GRM7: variants seen among roughly 807,000 people sequenced by gnomAD.
The protein encoded by GRM7 is glutamate metabotropic receptor 7.
GRM7 carries 35 observed loss-of-function variants against 84.5 expected under a neutral mutation model. The ratio of observed to expected loss-of-function variants is 0.41; its 90% CI spans 0.32 to 0.55. The LOEUF is 0.55. Ranked by LOEUF, GRM7 falls within the 20% of genes least tolerant of loss-of-function variation. The pLI, the probability that GRM7 is intolerant of heterozygous loss-of-function variation, is 0.19. For synonymous variants in GRM7, 487 were observed against 455.1 expected, an observed-to-expected ratio of 1.07 and a Z score of -0.89; for missense variants, 1,003 against 1,194.6, an observed-to-expected ratio of 0.84 and a Z score of 2.36.
At chr3:7,393,616 G>A (rs184073330) in intron 4 of GRM7, among the ~76,000 whole-genome samples, 191 of 152,244 alleles carry the variant, frequency 1.3e-3, no homozygotes, top group African/African-American at 4.4e-3. Context: ...TTATATTCTG[G>A]CTGTTTTCTG....
chr3:6,913,876 T>C (rs1164859978), intron 1 of GRM7, among the ~76,000 whole-genome samples: 1 of 152,170 alleles, frequency 6.6e-6, no homozygotes, highest in Non-Finnish European at 1.5e-5. Flanking sequence ...TTGGCCTTCT[T>C]GGCGTGCCAT....
chr3:6,954,829 T>A (rs1692958096), intron 1 of GRM7, among the ~76,000 whole-genome samples: 1 of 152,208 alleles, frequency 6.6e-6, no homozygotes, highest in Admixed American at 6.5e-5. Context: ...AATGTTATTA[T>A]AATTAATATG....
At chr3:7,418,491 C>G (rs1696263829) in intron 5 of GRM7, among the ~76,000 whole-genome samples, 1 of 152,176 alleles carries the variant, frequency 6.6e-6, no homozygotes, top group Non-Finnish European at 1.5e-5. Flanking sequence ...ACATAGTCAT[C>G]TCTTCTAGAG....
chr3:7,452,504 T>G (rs1697813365), intron 5 of GRM7, 103 bp from the exon 6 acceptor site: 1 of 810,322 alleles, frequency 1.2e-6, no homozygotes, highest in Admixed American at 2.0e-5. Context: ...AGTGTTTTCT[T>G]TAAGCATAAT....
At chr3:7,616,494 C>T (rs1292594280) in intron 8 of GRM7, among the ~76,000 whole-genome samples, 1 of 152,120 alleles carries the variant, frequency 6.6e-6, no homozygotes, top group African/African-American at 2.4e-5. Flanking sequence ...CATCAGGATC[C>T]AGCTAATTTC....
chr3:7,189,496 T>C (rs907163133), intron 2 of GRM7, among the ~76,000 whole-genome samples: 1 of 152,212 alleles, frequency 6.6e-6, no homozygotes, highest in Non-Finnish European at 1.5e-5. Context: ...AAATGCTCAA[T>C]AAAAACTGTC....
chr3:7,366,244 C>T (rs577803114), intron 4 of GRM7, among the ~76,000 whole-genome samples: 1 of 151,956 alleles, frequency 6.6e-6, no homozygotes, highest in Admixed American at 6.6e-5. Flanking sequence ...TAACTCTTTT[C>T]TGTCCTCTGC....
At chr3:6,947,403 C>G (rs1372865162) in intron 1 of GRM7, among the ~76,000 whole-genome samples, 1 of 152,052 alleles carries the variant, frequency 6.6e-6, no homozygotes, top group Non-Finnish European at 1.5e-5. Flanking sequence ...GGGATGAGGC[C>G]CACTTGATCA....
chr3:7,497,634 G>C (rs1283582090), intron 7 of GRM7, among the ~76,000 whole-genome samples: 1 of 152,178 alleles, frequency 6.6e-6, no homozygotes, highest in Admixed American at 6.6e-5. Context: ...AGAGATAGGA[G>C]AGTTGGGTGT....
chr3:7,280,825 T>C (rs1010200372), intron 2 of GRM7, among the ~76,000 whole-genome samples: 34 of 152,176 alleles, frequency 2.2e-4, no homozygotes, highest in African/African-American at 4.8e-4. Flanking sequence ...AATGGCTTAT[T>C]CTGTAATTTC....
At chr3:6,996,532 G>A (rs1322073145) in intron 1 of GRM7, among the ~76,000 whole-genome samples, 2 of 152,122 alleles carry the variant, frequency 1.3e-5, no homozygotes, top group Non-Finnish European at 2.9e-5. Flanking sequence ...ATACTATTGG[G>A]AGTTTGCTCC....
chr3:7,564,121 A>T lies in GRM7; in HGVS notation c.1516-14301A>T, dbSNP rs566776511. ...ATGGTCATCACTGGGGACAAAGAAG[A>T]AAAGGGTTTATGGGAGAAAACAGGA... On this transcript the variant is annotated intron_variant, in intron 7 of 9. Coordinates refer to ENST00000357716, the MANE Select transcript of GRM7 (RefSeq NM_000844.4). 1.2e-4 allele frequency among the ~76,000 whole-genome samples: 18 copies of T among 152,324 alleles called. No individual in the cohort carries two copies. In the South Asian group the frequency reaches 2.3e-3, roughly 19 times the overall value.
intron 1 of GRM7, among the ~76,000 whole-genome samples, chr3:7,099,444 TATGTAC>T (rs1220835898): frequency 6.7e-6 from 1 of 148,986 alleles, no homozygotes; most frequent in Non-Finnish European, 1.5e-5. Flanking sequence ...ACATTATACA[TATGTAC>T]ATGTACATAC....
At chr3:7,173,855 G>C (rs1574991062) in intron 2 of GRM7, among the ~76,000 whole-genome samples, 1 of 152,132 alleles carries the variant, frequency 6.6e-6, no homozygotes. Flanking sequence ...ATACTTTTCT[G>C]TGTGGTCTTT....
At chr3:7,479,511 T>G (rs1699048841) in intron 7 of GRM7, among the ~76,000 whole-genome samples, 1 of 152,110 alleles carries the variant, frequency 6.6e-6, no homozygotes, top group Non-Finnish European at 1.5e-5. Context: ...TCCCAGAGTT[T>G]CTGTGTTAAA....
At chr3:7,493,182 C>A (rs1251450158) in intron 7 of GRM7, among the ~76,000 whole-genome samples, 1 of 151,936 alleles carries the variant, frequency 6.6e-6, no homozygotes. Context: ...TCAATTACAT[C>A]TTTTTGGTTG....
At chr3:7,045,385 A>G (rs1226167990) in intron 1 of GRM7, among the ~76,000 whole-genome samples, 1 of 152,146 alleles carries the variant, frequency 6.6e-6, no homozygotes, top group African/African-American at 2.4e-5. Context: ...ATGGAAGAAG[A>G]TCTAGTATTT....
chr3:7,193,447 C>T (rs1029353231), intron 2 of GRM7, among the ~76,000 whole-genome samples: 2 of 152,012 alleles, frequency 1.3e-5, no homozygotes, highest in African/African-American at 2.4e-5. Context: ...GGCCATTAGA[C>T]CTCTGTGGGA....
chr3:7,068,555 T>C (rs1358763982), intron 1 of GRM7, among the ~76,000 whole-genome samples: 1 of 152,018 alleles, frequency 6.6e-6, no homozygotes, highest in African/African-American at 2.4e-5. Flanking sequence ...TACAACATTG[T>C]TTACTGTGGT....
Sources: gnomAD v4.1 joint callset for allele counts (sites outside exome capture counted in the v4.1 genomes callset) on GRCh38, gnomAD v4.1.1 for gene constraint, MANE v1.5 for transcripts, NCBI Gene and HGNC (gene_info 2026-07-23, HGNC 2026-07-21) for gene names.